SH3RF1: variants seen among roughly 807,000 people sequenced by gnomAD.
SH3RF1 encodes the protein SH3 domain containing ring finger 1, also known as E3 ubiquitin-protein ligase SH3RF1.
Under a neutral mutation model 74.0 loss-of-function variants are expected in SH3RF1, and 32 were observed. The observed-to-expected ratio is 0.43, with a 90% CI of 0.33 to 0.58. The LOEUF is 0.58. Among genes scored for constraint, SH3RF1 ranks in the 20% least tolerant of loss-of-function variants. SH3RF1 has a pLI of 0.05. For missense variants in SH3RF1, 954 were observed against 1,130.9 expected (o/e 0.84, Z 2.24); for synonymous variants, 396 against 439.6 (o/e 0.90, Z 1.24).
chr4:169,254,357 A>G (rs776778850), intron 2 of SH3RF1, among the ~76,000 whole-genome samples: 16 of 152,216 alleles, frequency 1.1e-4, no homozygotes, highest in Non-Finnish European at 2.1e-4. Flanking sequence ...AGCACAATTA[A>G]TTAGAGAACA....
chr4:169,232,788 T>G (rs1026239391), intron 2 of SH3RF1, among the ~76,000 whole-genome samples: 1 of 152,162 alleles, frequency 6.6e-6, no homozygotes, highest in Non-Finnish European at 1.5e-5. Flanking sequence ...TTACCCCTCT[T>G]CAGTGATACA....
intron 2 of SH3RF1, among the ~76,000 whole-genome samples, chr4:169,214,174 C>G (rs761829580): frequency 2.4e-4 from 37 of 152,106 alleles, no homozygotes; most frequent in Non-Finnish European, 5.3e-4. Flanking sequence ...TGGTACTGTC[C>G]TTGCAATAAT....
intron 2 of SH3RF1, among the ~76,000 whole-genome samples, chr4:169,244,782 GT>G (rs1164657126): frequency 1.3e-5 from 2 of 152,122 alleles, no homozygotes; most frequent in African/African-American, 4.8e-5. Flanking sequence ...CTTTATTAGT[GT>G]TTTTTGCCGT....
intron 2 of SH3RF1, among the ~76,000 whole-genome samples, chr4:169,160,526 G>A (rs1280810688): frequency 6.6e-6 from 1 of 152,176 alleles, no homozygotes; most frequent in Non-Finnish European, 1.5e-5. Context: ...GCTAAGTCTT[G>A]ACTGCTAAAA....
chr4:169,269,231 G>GA lies in SH3RF1; in HGVS notation c.-20dup, dbSNP rs752754007. 23 of 1,534,624 alleles carry GA rather than the reference G, an allele frequency of 1.5e-5. No individual in the cohort carries two copies. In the African/African-American group the frequency reaches 1.7e-4, roughly 11 times the overall value. On this transcript the variant is annotated 5_prime_UTR_variant, in exon 2 of 12. An upstream open reading frame in the 5' UTR loses its in-frame stop. Coordinates refer to ENST00000284637, the MANE Select transcript of SH3RF1 (RefSeq NM_020870.4). ...CATCCATCTTTATCTACTTTACTGA[G>GA]AAAAAATCTTCAGAAATGTTCATAG...
At chr4:169,213,595 C>T (rs1337780468) in intron 2 of SH3RF1, among the ~76,000 whole-genome samples, 1 of 152,190 alleles carries the variant, frequency 6.6e-6, no homozygotes, top group African/African-American at 2.4e-5. Flanking sequence ...AAAATGTCAC[C>T]ACCAAATCTA....
intron 4 of SH3RF1, among the ~76,000 whole-genome samples, chr4:169,150,253 A>G (rs749092405): frequency 2.8e-4 from 43 of 152,252 alleles, no homozygotes; most frequent in Admixed American, 9.8e-4. Flanking sequence ...ATCCTTGACA[A>G]TAAGTCTGTC....
At position 169,116,440 on chromosome 4, in the gene SH3RF1, C is replaced by T. The variant is rs1733333475; in HGVS notation, c.1968G>A (p.Leu656=). ...TCAGTGGAGCAGCTGCTGCACAGGCCAGAGGGGCACTGGCTCGACTGATAC... is the reference window on the plus strand; with the variant it reads ...TCAGTGGAGCAGCTGCTGCACAGGCTAGAGGGGCACTGGCTCGACTGATAC... ...AISISRASAP[L]ACAAAAPLTS... is the part of the protein sequence containing the mutation. The change falls in exon 10 of 12, where the codon CTG becomes CTA. Residue 656 remains leucine (L), a synonymous_variant. Coordinates refer to ENST00000284637, the MANE Select transcript of SH3RF1 (RefSeq NM_020870.4). 6.2e-7 allele frequency: 1 copy of T among 1,613,960 alleles called. No homozygotes were observed. Among genetic ancestry groups the T allele is most frequent in the South Asian group, 1.1e-5 (1 of 91,066 alleles).
At chr4:169,247,718 A>T (rs2110741443) in intron 2 of SH3RF1, among the ~76,000 whole-genome samples, 1 of 152,324 alleles carries the variant, frequency 6.6e-6, no homozygotes. Flanking sequence ...CACACGACAG[A>T]AACTGTGGAG....
chr4:169,209,978 G>A (rs1730331624), intron 2 of SH3RF1, among the ~76,000 whole-genome samples: 1 of 151,764 alleles, frequency 6.6e-6, no homozygotes, highest in Non-Finnish European at 1.5e-5. Flanking sequence ...GTGTTTTTTT[G>A]TAGAGATGGG....
intron 2 of SH3RF1, among the ~76,000 whole-genome samples, chr4:169,233,248 C>CAAAAAAAAAAAAAAAAAAAAAAAAAAA (rs372381759): frequency 3.0e-5 from 2 of 65,594 alleles, no homozygotes. Flanking sequence ...GACTCCATCT[C>CAAAAAAAAAAAAAAAAAAAAAAAAAAA]AAAAAAAAAA....
intron 2 of SH3RF1, among the ~76,000 whole-genome samples, chr4:169,173,892 C>A (rs572915610): frequency 1.5e-4 from 23 of 152,072 alleles, no homozygotes; most frequent in African/African-American, 5.3e-4. Context: ...CTCTTTCTCA[C>A]CAAGTCTTTT....
chr4:169,096,347 ATCT>A lies in SH3RF1; in HGVS notation c.*169_*171del, dbSNP rs1329723827. Reference sequence around the variant, plus strand: ...CCAGACTAACAAAACCCACACAAACATCTTCTTCATTCTGCTCGCTGGGGTAAC... The same window carrying A: ...CCAGACTAACAAAACCCACACAAACATCTTCATTCTGCTCGCTGGGGTAAC... On this transcript the variant is annotated 3_prime_UTR_variant, in exon 12 of 12. Transcript: ENST00000284637. 2.8e-5 allele frequency: 18 copies of A among 644,572 alleles called. No homozygotes were observed. The highest frequency in any genetic ancestry group is 1.4e-4 in the East Asian group (5 of 36,034). The allele number at this position is 644,572 out of a possible 1,614,324, so 39.9% of individuals were successfully genotyped here.
intron 2 of SH3RF1, among the ~76,000 whole-genome samples, chr4:169,246,313 A>G (rs1730994036): frequency 6.6e-6 from 1 of 152,204 alleles, no homozygotes; most frequent in Non-Finnish European, 1.5e-5. Flanking sequence ...AAAAAGGGGG[A>G]GTTAACTAGA....
intron 2 of SH3RF1, among the ~76,000 whole-genome samples, chr4:169,255,112 C>T (rs1243728491): frequency 6.6e-6 from 1 of 152,172 alleles, no homozygotes; most frequent in African/African-American, 2.4e-5. Flanking sequence ...TATCAACAAG[C>T]TTTTGAAATG....
chr4:169,121,458 T>C (rs1253834967), intron 7 of SH3RF1, among the ~76,000 whole-genome samples: 1 of 152,186 alleles, frequency 6.6e-6, no homozygotes, highest in Non-Finnish European at 1.5e-5. Flanking sequence ...GAGCTACACC[T>C]GCTTTTTATG....
chr4:169,263,632 C>A (rs1731312745), intron 2 of SH3RF1, among the ~76,000 whole-genome samples: 2 of 152,156 alleles, frequency 1.3e-5, no homozygotes, highest in South Asian at 4.1e-4. Flanking sequence ...GAATGCCTTA[C>A]TAGGGTGCTA....
intron 2 of SH3RF1, among the ~76,000 whole-genome samples, chr4:169,188,726 A>C (rs1579127325): frequency 6.6e-6 from 1 of 152,248 alleles, no homozygotes; most frequent in East Asian, 1.9e-4. Context: ...CGGCAGTTCA[A>C]TAAATTCTAA....
chr4:169,145,726 G>A (rs954324050), intron 4 of SH3RF1, among the ~76,000 whole-genome samples: 17 of 145,998 alleles, frequency 1.2e-4, no homozygotes, highest in Admixed American at 6.9e-4. Context: ...GGGATTACAG[G>A]TGTGAGCCAC....
Sources: gnomAD v4.1 joint callset for allele counts (sites outside exome capture counted in the v4.1 genomes callset) on GRCh38, gnomAD v4.1.1 for gene constraint, MANE v1.5 for transcripts, NCBI Gene and HGNC (gene_info 2026-07-23, HGNC 2026-07-21) for gene names.